The following GPM6A variants were observed in gnomAD, a reference collection of about 807,000 sequenced individuals.
GPM6A encodes glycoprotein M6A.
GPM6A carries 7 observed loss-of-function variants against 32.1 expected under a neutral mutation model. The ratio of observed to expected loss-of-function variants is 0.22; its 90% CI spans 0.12 to 0.41. The LOEUF is 0.41. Among genes scored for constraint, GPM6A ranks in the 10% least tolerant of loss-of-function variants. The pLI is 1.00. For synonymous variants in GPM6A, 130 were observed against 123.4 expected (o/e 1.05, Z -0.35); for missense variants, 235 against 347.2 (o/e 0.68, Z 2.57).
chr4:175,739,550 T>C (rs534080574), intron 1 of GPM6A, among the ~76,000 whole-genome samples: 1 of 152,246 alleles, frequency 6.6e-6, no homozygotes, highest in South Asian at 2.1e-4. Flanking sequence ...CTATATGCAT[T>C]AGGGAAATTA....
At chr4:175,867,533 C>T (rs936238468) in intron 1 of GPM6A, among the ~76,000 whole-genome samples, 3 of 152,004 alleles carry the variant, frequency 2.0e-5, no homozygotes, top group African/African-American at 7.2e-5. Context: ...ATTGCCTTTG[C>T]TCCTTTGTTC....
intron 1 of GPM6A, among the ~76,000 whole-genome samples, chr4:175,961,819 G>A (rs1208534550): frequency 6.6e-6 from 1 of 152,174 alleles, no homozygotes; most frequent in Non-Finnish European, 1.5e-5. Context: ...AGAAGGGAAA[G>A]GCTCAATTTC....
chr4:175,691,995 T>C (rs77227996), intron 2 of GPM6A, among the ~76,000 whole-genome samples: 7,176 of 152,244 alleles, frequency 0.047, 203 homozygotes, highest in Non-Finnish European at 0.063. Context: ...TACGGCTTCT[T>C]CCTGAGAGCC....
At chr4:175,804,262 G>T (rs562897059) in intron 1 of GPM6A, among the ~76,000 whole-genome samples, 316 of 152,226 alleles carry the variant, frequency 2.1e-3, no homozygotes, top group African/African-American at 7.3e-3. Context: ...ACAGTCTGTG[G>T]TTCCAAAAAT....
upstream of GPM6A, among the ~76,000 whole-genome samples, chr4:175,816,333 A>G (rs1324989657): frequency 3.3e-5 from 5 of 152,252 alleles, no homozygotes; most frequent in African/African-American, 9.6e-5. Context: ...AGCTCACTCA[A>G]TCCAAAACCA....
upstream of GPM6A, among the ~76,000 whole-genome samples, chr4:175,816,195 A>C (rs538200909): frequency 4.6e-5 from 7 of 152,316 alleles, no homozygotes; most frequent in East Asian, 1.4e-3. Context: ...TGCCTCTAAA[A>C]AATAAAATAA....
At chr4:175,731,438 C>T (rs2111142530) in intron 1 of GPM6A, among the ~76,000 whole-genome samples, 1 of 152,106 alleles carries the variant, frequency 6.6e-6, no homozygotes, top group Non-Finnish European at 1.5e-5. Context: ...GTCATTCCAC[C>T]GAGAATCTGA....
At chr4:175,640,693 C>A in intron 5 of GPM6A, 60 bp downstream of exon 5, 1 of 1,134,538 alleles carries the variant, frequency 8.8e-7, no homozygotes, top group South Asian at 1.3e-5. Context: ...ATACATTATC[C>A]AAATAATAAA....
intron 1 of GPM6A, among the ~76,000 whole-genome samples, chr4:175,957,959 C>T (rs931658916): frequency 6.6e-6 from 1 of 152,166 alleles, no homozygotes; most frequent in Non-Finnish European, 1.5e-5. Flanking sequence ...ATGGTGCAAT[C>T]CTGGCTCACT....
At position 175,633,827 on chromosome 4, in the gene GPM6A, A is replaced by G. The variant is rs1467812471; in HGVS notation, c.*1078T>C. 2 of 152,518 alleles carry G rather than the reference A, an allele frequency of 1.3e-5. No individual in the cohort carries two copies. The highest frequency in any genetic ancestry group is 2.9e-5 in the Non-Finnish European group (2 of 67,952). 9.4% of individuals were successfully genotyped at this position (152,518 alleles called of 1,614,324 possible). A position where few individuals can be genotyped will look rare whatever the true frequency, so the allele number is the denominator to read the frequency against. On this transcript the variant is annotated 3_prime_UTR_variant, in exon 7 of 7. Coordinates refer to ENST00000393658, the MANE Select transcript of GPM6A (RefSeq NM_201591.3). ...GGGGCCTCTGACCACACTTTATAAA[A>G]CACTACAGGTAAACCAACATAGATT...
intron 1 of GPM6A, among the ~76,000 whole-genome samples, chr4:175,864,336 T>A (rs548633988): frequency 1.3e-5 from 2 of 152,174 alleles, no homozygotes; most frequent in South Asian, 4.2e-4. Context: ...TCAGTTAATT[T>A]TTTGTATTTT....
chr4:175,921,982 G>A (rs765051033), intron 1 of GPM6A, among the ~76,000 whole-genome samples: 1 of 152,198 alleles, frequency 6.6e-6, no homozygotes, highest in Non-Finnish European at 1.5e-5. Flanking sequence ...TTCTCAGGGA[G>A]TAATAGAAGA....
At chr4:175,698,088 A>T (rs1744676819) in intron 2 of GPM6A, among the ~76,000 whole-genome samples, 1 of 152,124 alleles carries the variant, frequency 6.6e-6, no homozygotes, top group Admixed American at 6.6e-5. Context: ...TAGTGGAGAG[A>T]GGAAAAGAGA....
intron 2 of GPM6A, among the ~76,000 whole-genome samples, chr4:175,689,629 G>A (rs141488010): frequency 1.1e-3 from 175 of 152,224 alleles, no homozygotes; most frequent in Non-Finnish European, 1.9e-3. Context: ...ATGCTGTTAT[G>A]CCATTGTTCT....
At chr4:175,866,830 G>A (rs1321787265) in intron 1 of GPM6A, among the ~76,000 whole-genome samples, 1 of 152,162 alleles carries the variant, frequency 6.6e-6, no homozygotes, top group African/African-American at 2.4e-5. Flanking sequence ...ACTTTTGTAA[G>A]AAACCACCAA....
At chr4:175,931,709 C>CACACACATAT (rs1324269132) in intron 1 of GPM6A, among the ~76,000 whole-genome samples, 5 of 129,332 alleles carry the variant, frequency 3.9e-5, no homozygotes, top group African/African-American at 1.1e-4. Context: ...CACACACACA[C>CACACACATAT]ATATATATAT....
At chr4:175,821,566 T>C (rs972295064) in intron 1 of GPM6A, among the ~76,000 whole-genome samples, 15 of 152,108 alleles carry the variant, frequency 9.9e-5, no homozygotes, top group African/African-American at 3.6e-4. Flanking sequence ...TTTTACAAAA[T>C]TGAATCTCTT....
At chr4:175,638,496 C>T (rs1283776115) in intron 6 of GPM6A, among the ~76,000 whole-genome samples, 1 of 151,966 alleles carries the variant, frequency 6.6e-6, no homozygotes, top group African/African-American at 2.4e-5. Context: ...TAAGTATATG[C>T]AAAGCATAGA....
At chr4:175,691,425 A>AT (rs1246310667) in intron 2 of GPM6A, among the ~76,000 whole-genome samples, 2 of 151,154 alleles carry the variant, frequency 1.3e-5, no homozygotes, top group African/African-American at 4.9e-5. Context: ...AGCATTGTAA[A>AT]TTTTTTTAAA....
Sources: gnomAD v4.1 joint callset for allele counts (sites outside exome capture counted in the v4.1 genomes callset) on GRCh38, gnomAD v4.1.1 for gene constraint, MANE v1.5 for transcripts, NCBI Gene and HGNC (gene_info 2026-07-23, HGNC 2026-07-21) for gene names.